HSD17B3: variants seen among roughly 807,000 people sequenced by gnomAD.
HSD17B3 encodes 17-beta-hydroxysteroid dehydrogenase type 3.
A neutral mutation model predicts 41.1 loss-of-function variants in HSD17B3; 29 were observed. The ratio of observed to expected loss-of-function variants is 0.71; its 90% CI spans 0.53 to 0.96. The LOEUF is 0.96. HSD17B3 is among the 40% of genes least tolerant of loss of function. The probability of loss-of-function intolerance (pLI) is 0.00; values close to 1 mark genes in which losing one functional copy is unlikely to be tolerated. For missense variants in HSD17B3, 323 were observed against 374.6 expected (o/e 0.86, Z 1.14); for synonymous variants, 126 against 145.6 (o/e 0.87, Z 0.97).
intron 1 of HSD17B3, among the ~76,000 whole-genome samples, chr9:96,299,336 A>G (rs8190496): frequency 0.031 from 4,780 of 152,278 alleles, 164 homozygotes; most frequent in African/African-American, 0.076. Flanking sequence ...GGCTTTAATA[A>G]TTACTAATGA....
rs190255334 is a variant in HSD17B3 at position 96,288,967 on chromosome 9, G to A, written c.201+9449C>T. On this transcript the variant is annotated intron_variant, in intron 2 of 10. Coordinates refer to ENST00000375263, the MANE Select transcript of HSD17B3 (RefSeq NM_000197.2). The stretch of plus-strand genomic sequence containing the variant: ...AAAAAAAAAAATTAAAAAATTAGCC[G>A]AGCATGGTGGCACAGCCTGTAGTCC... Among the ~76,000 whole-genome samples, 103 of 150,294 alleles carry A rather than the reference G, an allele frequency of 6.9e-4. No homozygotes were observed. The Middle Eastern group carries it at 0.01, about 15-fold the overall frequency.
chr9:96,246,542 G>A lies in HSD17B3; in HGVS notation c.524+14C>T, dbSNP rs1836670816. 2 of 1,613,706 alleles carry A rather than the reference G, an allele frequency of 1.2e-6. No individual in the cohort carries two copies. Among genetic ancestry groups the A allele is most frequent in the Non-Finnish European group, 1.7e-6 (2 of 1,179,684 alleles). On this transcript the variant is annotated intron_variant, in intron 7 of 10. Coordinates refer to ENST00000375263, the MANE Select transcript of HSD17B3 (RefSeq NM_000197.2). Reference sequence around the variant, plus strand: ...AGGCCATGTTGCTCCACACTTTTTTGAAGAAGGCCTTACCTTGATTCCATA... The same window carrying A: ...AGGCCATGTTGCTCCACACTTTTTTAAAGAAGGCCTTACCTTGATTCCATA...
intron 10 of HSD17B3, among the ~76,000 whole-genome samples, chr9:96,238,184 A>G (rs1309643883): frequency 6.6e-6 from 1 of 152,192 alleles, no homozygotes; most frequent in Non-Finnish European, 1.5e-5. Flanking sequence ...ATAAAATTTT[A>G]TTCCATTTTT....
intron 2 of HSD17B3, among the ~76,000 whole-genome samples, chr9:96,283,805 T>C (rs1481206153): frequency 6.6e-6 from 1 of 152,080 alleles, no homozygotes; most frequent in African/African-American, 2.4e-5. Context: ...TAAATGCAGG[T>C]TTCTGATAAC....
chr9:96,254,339 T>A (rs551020245), intron 3 of HSD17B3, among the ~76,000 whole-genome samples: 1 of 152,258 alleles, frequency 6.6e-6, no homozygotes, highest in African/African-American at 2.4e-5. Flanking sequence ...CAAACACCGA[T>A]CTTGCTTTTG....
chr9:96,269,628 G>T (rs1826164179), intron 2 of HSD17B3, among the ~76,000 whole-genome samples: 1 of 152,150 alleles, frequency 6.6e-6, no homozygotes, highest in African/African-American at 2.4e-5. Flanking sequence ...ATTAGGCCGG[G>T]TGTGATGGCT....
At chr9:96,277,892 T>C (rs1274330509) in intron 2 of HSD17B3, among the ~76,000 whole-genome samples, 5 of 151,138 alleles carry the variant, frequency 3.3e-5, no homozygotes, top group Admixed American at 3.3e-4. Flanking sequence ...ATTTAGCCTT[T>C]AAAAAGAGAA....
intron 9 of HSD17B3, among the ~76,000 whole-genome samples, chr9:96,242,216 T>C (rs992663370): frequency 6.6e-6 from 1 of 152,200 alleles, no homozygotes; most frequent in Non-Finnish European, 1.5e-5. Context: ...AGTGTTACTC[T>C]TTGAGAAATA....
intron 9 of HSD17B3, among the ~76,000 whole-genome samples, chr9:96,241,732 C>G (rs1587712180): frequency 6.6e-6 from 1 of 151,916 alleles, no homozygotes; most frequent in South Asian, 2.1e-4. Flanking sequence ...CCCAGGAGTG[C>G]GAGACCAGCC....
chr9:96,273,400 C>T (rs1380789247), intron 2 of HSD17B3, among the ~76,000 whole-genome samples: 4 of 152,150 alleles, frequency 2.6e-5, no homozygotes, highest in African/African-American at 9.7e-5. Flanking sequence ...TCTGTGTCAC[C>T]CCATCTCCCA....
intron 6 of HSD17B3, 143 bp from the exon 7 acceptor site, chr9:96,246,733 A>G: frequency 1.3e-6 from 1 of 751,226 alleles, no homozygotes; most frequent in Non-Finnish European, 2.3e-6. Flanking sequence ...GCTGGCACTC[A>G]TTGGAGGTCA....
At chr9:96,245,934 G>A (rs1443604107) in intron 7 of HSD17B3, among the ~76,000 whole-genome samples, 4 of 152,182 alleles carry the variant, frequency 2.6e-5, no homozygotes, top group African/African-American at 9.7e-5. Flanking sequence ...AGCCTTACTT[G>A]TCCTTTTGAA....
chr9:96,298,373 G>A, intron 2 of HSD17B3, 43 bp downstream of exon 2: 2 of 1,523,068 alleles, frequency 1.3e-6, no homozygotes, highest in East Asian at 2.3e-5. Context: ...GACTGTGATT[G>A]TTCAATACAA....
chr9:96,272,405 C>CTCTCTCTCTCTCTCTCTCTCTCTATATA (rs1239816824), intron 2 of HSD17B3, among the ~76,000 whole-genome samples: 1 of 21,536 alleles, frequency 4.6e-5, no homozygotes, highest in Non-Finnish European at 8.8e-5. Flanking sequence ...CTCTCTCTCT[C>CTCTCTCTCTCTCTCTCTCTCTCTATATA]TATATATATA....
rs1476749102 is a variant in HSD17B3, at chr9:96,245,338, C to T, written c.606+7G>A. The stretch of plus-strand genomic sequence containing the variant: ...GGAAGAGACTTGGAAGTCATGACAT[C>T]ACTCACCTTGGAAGCTGAGTACATG... On this transcript the variant is annotated splice_region_variant and intron_variant, in intron 8 of 10. Transcript: ENST00000375263. 1.3e-6 allele frequency: 2 copies of T among 1,598,538 alleles called. No homozygotes were observed. The highest frequency in any genetic ancestry group is 3.3e-5 in the Admixed American group (2 of 59,986).
At chr9:96,289,704 G>C (rs143313557) in intron 2 of HSD17B3, among the ~76,000 whole-genome samples, 31 of 152,290 alleles carry the variant, frequency 2.0e-4, no homozygotes, top group Non-Finnish European at 3.5e-4. Context: ...TGGGCCAAGA[G>C]GGGGGCGCCC....
chr9:96,235,373 G>T lies in HSD17B3; in HGVS notation c.*87C>A. On this transcript the variant is annotated 3_prime_UTR_variant, in exon 11 of 11. Coordinates refer to ENST00000375263, the MANE Select transcript of HSD17B3 (RefSeq NM_000197.2). Reference sequence around the variant, plus strand: ...GCCCCCTCCATCTTCAGCGGACTAGGTTGAAGTGCTGGTCTGCTCCTCTGG... The same window carrying T: ...GCCCCCTCCATCTTCAGCGGACTAGTTTGAAGTGCTGGTCTGCTCCTCTGG... 1.1e-6 allele frequency: 1 copy of T among 905,440 alleles called. No individual in the cohort carries two copies. Among genetic ancestry groups the T allele is most frequent in the South Asian group, 1.4e-5 (1 of 71,448 alleles). 56.1% of individuals were successfully genotyped at this position (905,440 alleles called of 1,614,324 possible).
intron 2 of HSD17B3, among the ~76,000 whole-genome samples, chr9:96,257,026 T>C (rs970820675): frequency 3.3e-5 from 5 of 152,106 alleles, no homozygotes; most frequent in African/African-American, 1.2e-4. Flanking sequence ...CTCTTCCTGC[T>C]GCTCCAGGCA....
intron 2 of HSD17B3, among the ~76,000 whole-genome samples, chr9:96,279,440 T>G (rs938615823): frequency 6.6e-6 from 1 of 152,136 alleles, no homozygotes; most frequent in Admixed American, 6.5e-5. Context: ...ACACCTGGAA[T>G]CAAGAGAAGG....
Sources: gnomAD v4.1 joint callset for allele counts (sites outside exome capture counted in the v4.1 genomes callset) on GRCh38, gnomAD v4.1.1 for gene constraint, MANE v1.5 for transcripts, NCBI Gene and HGNC (gene_info 2026-07-23, HGNC 2026-07-21) for gene names.